Variants in GDPD4 observed in about 807,000 individuals in gnomAD.
The protein encoded by GDPD4 is glycerophosphodiester phosphodiesterase 6.
Under a neutral mutation model 67.8 loss-of-function variants are expected in GDPD4, and 60 were observed. The ratio of observed to expected loss-of-function variants is 0.88; its 90% confidence interval spans 0.72 to 1.10. The LOEUF is 1.10. GDPD4 is among the 50% of genes least tolerant of loss of function. The pLI, the probability that GDPD4 is intolerant of heterozygous loss-of-function variation, is 0.00. For synonymous variants in GDPD4, 212 were observed against 210.9 expected (o/e 1.00, Z -0.04); for missense variants, 623 against 613.9 (o/e 1.01, Z -0.16).
chr11:77,244,207 G>A (rs773194928), intron 12 of GDPD4, among the ~76,000 whole-genome samples: 13 of 152,096 alleles, frequency 8.5e-5, no homozygotes, highest in Non-Finnish European at 2.9e-5. Context: ...ATTGTATTTT[G>A]TATTTTTAGT....
At chr11:77,291,534 A>G (rs1260485542) in intron 1 of GDPD4, among the ~76,000 whole-genome samples, 1 of 152,232 alleles carries the variant, frequency 6.6e-6, no homozygotes, top group East Asian at 1.9e-4. Flanking sequence ...CCTAGTACAA[A>G]GAAATGATAA....
At position 77,243,835 on chromosome 11, in the gene GDPD4, G is replaced by A; in HGVS notation, c.1100C>T (p.Pro367Leu). ...KIEQHLIFWL[P>L]AHDRQYVRSV... The stretch of plus-strand genomic sequence containing the variant: ...CCTGACGTATTGCCTATCATGAGCT[G>A]GCAACCAAAAAATCTCTAAGGAGAA... Residue 367 changes from proline to leucine, a missense_variant, in exon 13 of 17, where the codon CCA becomes CTA. Physicochemically the swap from Pro to Leu is moderately conservative, Grantham distance 98 (BLOSUM62 -3). Transcript: ENST00000315938. The A allele has an allele frequency of 6.2e-7, 1 of 1,611,632 alleles. No homozygotes were observed. The highest frequency in any genetic ancestry group is 8.5e-7 in the Non-Finnish European group (1 of 1,179,168).
At chr11:77,281,893 A>G (rs535880287) in intron 3 of GDPD4, among the ~76,000 whole-genome samples, 1 of 152,258 alleles carries the variant, frequency 6.6e-6, no homozygotes, top group Admixed American at 6.5e-5. Flanking sequence ...GTCCTCTTCT[A>G]CGGCACACGT....
intron 16 of GDPD4, among the ~76,000 whole-genome samples, chr11:77,225,501 T>C (rs1295321870): frequency 6.6e-6 from 1 of 152,062 alleles, no homozygotes; most frequent in East Asian, 1.9e-4. Context: ...ATAGTCTCTC[T>C]CTCCCTCTCA....
At position 77,292,750 on chromosome 11, in the gene GDPD4, GA is replaced by G. The variant is rs573048849; in HGVS notation, c.-253-5331del. The stretch of plus-strand genomic sequence containing the variant: ...AGAAATCACAAATTATCAATATCAG[GA>G]ATAAGAGGGAACCATCACCACAGAC... On this transcript the variant is annotated intron_variant, in intron 1 of 16. Transcript: ENST00000315938. Among the ~76,000 whole-genome samples, 226 of 152,080 alleles carry G rather than the reference GA, an allele frequency of 1.5e-3. 3 individuals are homozygous for G. The highest frequency in any genetic ancestry group is 4.6e-4 in the Non-Finnish European group (31 of 67,966).
chr11:77,300,452 CTA>C (rs1042769410), intron 1 of GDPD4, among the ~76,000 whole-genome samples: 2 of 151,914 alleles, frequency 1.3e-5, no homozygotes, highest in African/African-American at 4.8e-5. Flanking sequence ...GGCACCGAAA[CTA>C]TAACAGTACC....
chr11:77,237,483 C>G lies in GDPD4; in HGVS notation c.1242-4311G>C, dbSNP rs116628009. On this transcript the variant is annotated intron_variant, in intron 13 of 16. Coordinates refer to ENST00000315938, the MANE Select transcript of GDPD4 (RefSeq NM_182833.3). ...ATTTATAGAATACTACACCCAACAA[C>G]TGAAGAGGGCACATAATCTTCAGGG... is the stretch of plus-strand genomic sequence containing the variant. Among the ~76,000 whole-genome samples, 475 of 152,286 alleles carry G rather than the reference C, an allele frequency of 3.1e-3. 3 individuals carry two copies. The highest frequency in any genetic ancestry group is 0.011 in the African/African-American group (454 of 41,548).
At chr11:77,219,741 T>G (rs4360723) in intron 16 of GDPD4, among the ~76,000 whole-genome samples, 120,719 of 148,070 alleles carry the variant, frequency 0.82, 50,241 homozygotes, top group Non-Finnish European at 0.91. Flanking sequence ...GGTCTATATC[T>G]CTGTTTTGGT....
chr11:77,227,743 C>CCCCCCCCCCCCCCATT, intron 16 of GDPD4, 121 bp downstream of exon 16: 1 of 483,100 alleles, frequency 2.1e-6, no homozygotes, highest in Non-Finnish European at 4.2e-6. Flanking sequence ...CCTCCCCCAA[C>CCCCCCCCCCCCCCATT]CCCACCCCCA....
intron 16 of GDPD4, among the ~76,000 whole-genome samples, chr11:77,225,317 T>G (rs1371442697): frequency 7.0e-6 from 1 of 142,556 alleles, no homozygotes; most frequent in Admixed American, 6.9e-5. Flanking sequence ...AAAAAAAAAG[T>G]CTCAGTAACC....
At chr11:77,269,631 T>G (rs901823916) in intron 8 of GDPD4, among the ~76,000 whole-genome samples, 1 of 152,182 alleles carries the variant, frequency 6.6e-6, no homozygotes, top group African/African-American at 2.4e-5. Flanking sequence ...CCTTATAGGT[T>G]GTTATGACAG....
Position 77,220,094 on chromosome 11 carries a change from A to G in GDPD4, c.1526-2780T>C, listed in dbSNP as rs1958198191. On this transcript the variant is annotated intron_variant, in intron 16 of 16. Transcript: ENST00000315938. ...CTTTGCAGAAGTTGCTGATCAGCTT[A>G]AGGAGACTTTGGGCTGAGACGATGG... Among the ~76,000 whole-genome samples, 3 of 152,192 alleles carry G rather than the reference A, an allele frequency of 2.0e-5. No homozygotes were observed. In the South Asian group the frequency reaches 6.2e-4, roughly 32 times the overall value.
At chr11:77,273,661 G>C (rs556073777) in intron 5 of GDPD4, among the ~76,000 whole-genome samples, 2 of 152,314 alleles carry the variant, frequency 1.3e-5, no homozygotes, top group East Asian at 3.9e-4. Flanking sequence ...TAGAATTCAG[G>C]TATTAAGCAG....
intron 16 of GDPD4, among the ~76,000 whole-genome samples, chr11:77,220,936 G>T (rs933927648): frequency 3.9e-5 from 6 of 152,110 alleles, no homozygotes; most frequent in Non-Finnish European, 8.8e-5. Flanking sequence ...TGGGTAACCC[G>T]ACCTTTCTCA....
chr11:77,233,765 T>C (rs1292878010), intron 13 of GDPD4, among the ~76,000 whole-genome samples: 1 of 152,244 alleles, frequency 6.6e-6, no homozygotes, highest in Admixed American at 6.5e-5. Flanking sequence ...TGTCTCTGGA[T>C]ACTCAATACC....
chr11:77,296,559 T>G (rs555674684), intron 1 of GDPD4, among the ~76,000 whole-genome samples: 1 of 151,192 alleles, frequency 6.6e-6, no homozygotes, highest in East Asian at 2.1e-4. Context: ...TGACCTCAAG[T>G]AACTGCCCGC....
intron 1 of GDPD4, 75 bp from the exon 2 acceptor site, chr11:77,287,495 A>G (rs527954453): frequency 6.6e-6 from 1 of 152,310 alleles, no homozygotes; most frequent in Admixed American, 6.5e-5. Flanking sequence ...TTCTACAGAA[A>G]ATTTTATCAA....
intron 4 of GDPD4, among the ~76,000 whole-genome samples, chr11:77,278,418 G>T (rs541773084): frequency 6.6e-6 from 1 of 152,198 alleles, no homozygotes; most frequent in African/African-American, 2.4e-5. Context: ...ATTCCTTTAA[G>T]ATCCCACTAC....
chr11:77,296,346 G>A (rs1937961573), intron 1 of GDPD4, among the ~76,000 whole-genome samples: 1 of 145,274 alleles, frequency 6.9e-6, no homozygotes, highest in African/African-American at 2.5e-5. Flanking sequence ...TTTAGACTGA[G>A]TTTCACTCTT....
Sources: allele counts gnomAD v4.1 joint callset (sites outside exome capture counted in the v4.1 genomes callset), GRCh38; gene constraint gnomAD v4.1.1; transcripts MANE v1.5; gene names NCBI Gene and HGNC (gene_info 2026-07-23, HGNC 2026-07-21).